NOL4: variants seen among roughly 807,000 people sequenced by gnomAD.
The protein encoded by NOL4 is nucleolar protein 4.
In NOL4, 17 loss-of-function variants were observed where a neutral mutation model predicts 75.9. The ratio of observed to expected loss-of-function variants is 0.22; its 90% CI spans 0.15 to 0.34. NOL4 has a LOEUF of 0.34. NOL4 is among the 10% of genes least tolerant of loss of function. The pLI, the probability that NOL4 is intolerant of heterozygous loss-of-function variation, is 1.00. For missense variants in NOL4, 614 were observed against 793.5 expected (o/e 0.77, Z 2.72); for synonymous variants, 292 against 289.9 (o/e 1.01, Z -0.07).
chr18:34,203,487 A>G (rs1220457160), intron 1 of NOL4, among the ~76,000 whole-genome samples: 1 of 151,776 alleles, frequency 6.6e-6, no homozygotes, highest in Non-Finnish European at 1.5e-5. Flanking sequence ...AGACTGGTAG[A>G]TTATATCAAT....
chr18:34,129,834 GA>G, intron 2 of NOL4, 36 bp downstream of exon 2: 1 of 1,510,472 alleles, frequency 6.6e-7, no homozygotes, highest in Non-Finnish European at 8.8e-7. Context: ...ATCAAGTCTC[GA>G]AATGCATGCT....
At chr18:33,944,971 A>G (rs926783439) in intron 8 of NOL4, among the ~76,000 whole-genome samples, 16 of 152,052 alleles carry the variant, frequency 1.1e-4, no homozygotes, top group African/African-American at 3.9e-4. Flanking sequence ...ACTCATTGAT[A>G]TCTTTCTTGA....
At chr18:34,105,200 T>C in intron 2 of NOL4, 40 bp from the exon 3 acceptor site, 2 of 1,239,336 alleles carry the variant, frequency 1.6e-6, no homozygotes, top group Non-Finnish European at 2.4e-6. Context: ...TTATATAAGC[T>C]CACTGAGCAT....
In NOL4 at chr18:33,894,823, A is replaced by T. The variant is rs188385117; in HGVS notation, c.1543-11399T>A. Among the ~76,000 whole-genome samples, 3 of 152,228 alleles carry T rather than the reference A, an allele frequency of 2.0e-5. No homozygotes were observed. The East Asian group carries it at 5.8e-4, about 29-fold the overall frequency. ...ATTATGGTTACCCAGCCTCTGAGCC[A>T]GTGTGGGGAGACATGGAATGGAGGG... On this transcript the variant is annotated intron_variant, in intron 9 of 10. Transcript: ENST00000261592.
At chr18:34,032,051 G>A (rs2075664508) in intron 5 of NOL4, among the ~76,000 whole-genome samples, 1 of 152,228 alleles carries the variant, frequency 6.6e-6, no homozygotes, top group African/African-American at 2.4e-5. Flanking sequence ...TGCTAGACAA[G>A]CCCTGGCTCT....
chr18:34,123,444 G>C lies in NOL4; in HGVS notation c.414+6427C>G, dbSNP rs561657046. ...GTTTGTGTGGATATGGGGTGTGTGT[G>C]TATGTGTGTAACTGATAAATAAACC... is the stretch of plus-strand genomic sequence containing the variant. On this transcript the variant is annotated intron_variant, in intron 2 of 10. Transcript: ENST00000261592. Among the ~76,000 whole-genome samples, 6 of 150,096 alleles carry C rather than the reference G, an allele frequency of 4.0e-5. No individual in the cohort carries two copies. The East Asian group carries it at 1.2e-3, about 29-fold the overall frequency.
intron 1 of NOL4, among the ~76,000 whole-genome samples, chr18:34,186,904 C>A (rs939745808): frequency 6.6e-6 from 1 of 152,130 alleles, no homozygotes; most frequent in Non-Finnish European, 1.5e-5. Flanking sequence ...AGGTTCACCG[C>A]AAAACTGGAC....
At chr18:34,117,805 C>T (rs903586923) in intron 2 of NOL4, among the ~76,000 whole-genome samples, 1 of 152,104 alleles carries the variant, frequency 6.6e-6, no homozygotes, top group African/African-American at 2.4e-5. Context: ...GTAAGAAATT[C>T]GCCAGCAGAG....
chr18:34,086,692 T>A (rs2078259496), intron 5 of NOL4, among the ~76,000 whole-genome samples: 1 of 152,164 alleles, frequency 6.6e-6, no homozygotes, highest in Admixed American at 6.5e-5. Flanking sequence ...ATATTTTTAC[T>A]AAAATTTTAT....
chr18:33,894,932 A>G (rs569172480), intron 9 of NOL4, among the ~76,000 whole-genome samples: 34 of 152,244 alleles, frequency 2.2e-4, no homozygotes, highest in African/African-American at 7.7e-4. Context: ...ACTGTAGTCA[A>G]TAATGATATA....
At chr18:33,926,452 T>C (rs1894656004) in intron 9 of NOL4, among the ~76,000 whole-genome samples, 1 of 152,048 alleles carries the variant, frequency 6.6e-6, no homozygotes, top group South Asian at 2.1e-4. Context: ...GGCTACCTTT[T>C]TCCTCTGCCT....
At chr18:33,871,291 T>C (rs1295610216) in intron 10 of NOL4, among the ~76,000 whole-genome samples, 2 of 151,888 alleles carry the variant, frequency 1.3e-5, no homozygotes, top group African/African-American at 4.8e-5. Flanking sequence ...AGCTCTTTGG[T>C]GGAGGTAGGC....
At chr18:33,913,434 T>C (rs1220503607) in intron 9 of NOL4, among the ~76,000 whole-genome samples, 1 of 152,166 alleles carries the variant, frequency 6.6e-6, no homozygotes, top group East Asian at 1.9e-4. Context: ...ATGTGAACCA[T>C]CCTAACGATA....
rs563566727 is a variant in NOL4 at position 34,109,359 on chromosome 18, A to T, written c.415-4199T>A. ...GATTCTGTCTCTAAAAAAGATTATA[A>T]AAAGTAAAAATTCGTCGGGCATGGT... On this transcript the variant is annotated intron_variant, in intron 2 of 10. Transcript: ENST00000261592. 4.6e-5 allele frequency among the ~76,000 whole-genome samples: 7 copies of T among 152,128 alleles called. No homozygotes were observed. The East Asian group carries it at 1.2e-3, about 25-fold the overall frequency.
intron 9 of NOL4, among the ~76,000 whole-genome samples, chr18:33,935,179 T>C (rs1273060439): frequency 1.3e-5 from 2 of 152,094 alleles, no homozygotes; most frequent in African/African-American, 2.4e-5. Flanking sequence ...AGCATTCTAA[T>C]ATTCTCCAAG....
At chr18:33,989,715 A>G (rs2072772643) in intron 6 of NOL4, among the ~76,000 whole-genome samples, 1 of 152,142 alleles carries the variant, frequency 6.6e-6, no homozygotes. Context: ...TGATGTTAGT[A>G]AAGCTATTAG....
At chr18:33,890,965 A>C (rs2065057091) in intron 9 of NOL4, among the ~76,000 whole-genome samples, 1 of 151,958 alleles carries the variant, frequency 6.6e-6, no homozygotes, top group South Asian at 2.1e-4. Flanking sequence ...GACACCTCAC[A>C]CACTATCCAT....
intron 5 of NOL4, among the ~76,000 whole-genome samples, chr18:34,037,268 G>T (rs550856045): frequency 6.6e-6 from 1 of 152,010 alleles, no homozygotes. Context: ...AATAACACAG[G>T]AGGACACAAA....
intron 9 of NOL4, among the ~76,000 whole-genome samples, chr18:33,936,821 T>C (rs1182616808): frequency 1.3e-5 from 2 of 152,114 alleles, no homozygotes; most frequent in East Asian, 3.9e-4. Flanking sequence ...ATAAAATGTA[T>C]GTCATCCCTC....
Sources: allele counts gnomAD v4.1 joint callset (sites outside exome capture counted in the v4.1 genomes callset), GRCh38; gene constraint gnomAD v4.1.1; transcripts MANE v1.5; gene names NCBI Gene and HGNC (gene_info 2026-07-23, HGNC 2026-07-21).